WFDC1: variants seen among roughly 807,000 people sequenced by gnomAD.
WFDC1 encodes WAP four-disulfide core domain protein 1.
Under a neutral mutation model 32.9 loss-of-function variants are expected in WFDC1, and 39 were observed. That is an observed-to-expected ratio of 1.19 (90% CI 0.92 to 1.55). The LOEUF (loss-of-function observed/expected upper bound fraction) is 1.55, where lower values mean the gene tolerates loss of function less well. WFDC1 is among the 40% of genes most tolerant of loss of function. The probability of loss-of-function intolerance (pLI) is 0.00; values close to 1 mark genes in which losing one functional copy is unlikely to be tolerated. For missense variants in WFDC1, 386 were observed against 309.5 expected, an observed-to-expected ratio of 1.25 and a Z score of -1.85; for synonymous variants, 184 against 137.4, an observed-to-expected ratio of 1.34 and a Z score of -2.37.
chr16:84,301,004 T>C (rs969472205), intron 1 of WFDC1, among the ~76,000 whole-genome samples: 26 of 149,944 alleles, frequency 1.7e-4, no homozygotes, highest in African/African-American at 5.9e-4. Flanking sequence ...AGAAGAGACA[T>C]AGAATCAGAG....
At chr16:84,299,508 C>G (rs1055938329) in intron 1 of WFDC1, among the ~76,000 whole-genome samples, 4 of 152,122 alleles carry the variant, frequency 2.6e-5, no homozygotes, top group Non-Finnish European at 4.4e-5. Flanking sequence ...GTTCTGTGGA[C>G]TTGGTGTTTT....
intron 4 of WFDC1, among the ~76,000 whole-genome samples, chr16:84,320,954 A>T (rs1446110046): frequency 6.6e-6 from 1 of 152,196 alleles, no homozygotes; most frequent in Non-Finnish European, 1.5e-5. Context: ...TAATGTCATT[A>T]TCATTGCAGA....
At chr16:84,312,884 A>AC in intron 1 of WFDC1, 77 bp from the exon 2 acceptor site, 1 of 937,256 alleles carries the variant, frequency 1.1e-6, no homozygotes. Context: ...CGCACTGCCC[A>AC]CCCCCTTGCA....
chr16:84,329,120 C>T (rs950057912), intron 6 of WFDC1: 3 of 152,016 alleles, frequency 2.0e-5, no homozygotes, highest in African/African-American at 4.8e-5. Context: ...AAGATGATGC[C>T]GTGAAGACGT....
At chr16:84,298,431 A>G (rs1906738174) in intron 1 of WFDC1, among the ~76,000 whole-genome samples, 1 of 152,092 alleles carries the variant, frequency 6.6e-6, no homozygotes, top group African/African-American at 2.4e-5. Flanking sequence ...TCACTTTCCA[A>G]TTGTATTGCT....
chr16:84,318,920 G>A (rs1908127654), intron 3 of WFDC1: 1 of 172,936 alleles, frequency 5.8e-6, no homozygotes, highest in Non-Finnish European at 1.2e-5. Context: ...TTGTGTGTGT[G>A]TGTGTGTGTG....
At chr16:84,328,004 CCCTGGGCAGGAGCAGAG>C (rs1245475010) in intron 6 of WFDC1, 2 of 153,126 alleles carry the variant, frequency 1.3e-5, no homozygotes, top group Non-Finnish European at 2.9e-5. Flanking sequence ...GGGGCAGAGT[CCCTGGGCAGGAGCAGAG>C]CCTGGGGCAG....
At chr16:84,299,233 G>T (rs559100020) in intron 1 of WFDC1, among the ~76,000 whole-genome samples, 1 of 151,922 alleles carries the variant, frequency 6.6e-6, no homozygotes, top group Admixed American at 6.6e-5. Context: ...GCATGGTGGC[G>T]CATGCCTGTA....
intron 2 of WFDC1, among the ~76,000 whole-genome samples, chr16:84,314,649 C>T (rs1036277782): frequency 2.6e-5 from 4 of 152,340 alleles, no homozygotes; most frequent in African/African-American, 9.6e-5. Context: ...CTCATCAAGA[C>T]AGACAGGGAC....
At chr16:84,328,334 GCAGCCCTAAACCTGAAAATCTACC>G (rs1908723238) in intron 6 of WFDC1, 1 of 152,240 alleles carries the variant, frequency 6.6e-6, no homozygotes, top group Non-Finnish European at 1.5e-5. Context: ...CTGTGGAGTT[GCAGCCCTAAACCTGAAAATCTACC>G]CAGCCCCTGT....
chr16:84,296,623 C>T (rs1906613684), intron 1 of WFDC1, among the ~76,000 whole-genome samples: 1 of 152,138 alleles, frequency 6.6e-6, no homozygotes, highest in Non-Finnish European at 1.5e-5. Context: ...GGCTCATATT[C>T]TCCATGTTCG....
At chr16:84,315,745 C>G (rs1907910468) in intron 2 of WFDC1, among the ~76,000 whole-genome samples, 2 of 152,222 alleles carry the variant, frequency 1.3e-5, no homozygotes, top group Non-Finnish European at 2.9e-5. Context: ...TAAATGCTCT[C>G]TGGGGAACAA....
chr16:84,309,092 C>G (rs755831438), intron 1 of WFDC1, among the ~76,000 whole-genome samples: 36 of 152,208 alleles, frequency 2.4e-4, no homozygotes, highest in Non-Finnish European at 5.0e-4. Context: ...GTGGAGCCCG[C>G]TCTGGTTGCC....
intron 1 of WFDC1, among the ~76,000 whole-genome samples, chr16:84,305,784 C>A (rs2151370315): frequency 6.6e-6 from 1 of 151,802 alleles, no homozygotes; most frequent in East Asian, 1.9e-4. Flanking sequence ...GGCAGATCAC[C>A]TGAGCTCAGG....
intron 1 of WFDC1, among the ~76,000 whole-genome samples, chr16:84,297,642 A>AAATAG (rs1555543158): frequency 1.4e-4 from 17 of 119,866 alleles, no homozygotes; most frequent in South Asian, 9.4e-4. Context: ...AAAAAAAAAA[A>AAATAG]AAAAACTGTG....
At chr16:84,303,512 T>G (rs1907069622) in intron 1 of WFDC1, among the ~76,000 whole-genome samples, 1 of 152,118 alleles carries the variant, frequency 6.6e-6, no homozygotes, top group Non-Finnish European at 1.5e-5. Context: ...CACAGAAAGT[T>G]ATAAATTAGT....
chr16:84,327,913 A>G (rs1010182003), intron 6 of WFDC1: 2 of 152,318 alleles, frequency 1.3e-5, no homozygotes, highest in Non-Finnish European at 2.9e-5. Context: ...GGGAGGCCAC[A>G]TCCTGGTAGG....
chr16:84,320,272 G>A (rs1261341589), intron 4 of WFDC1, among the ~76,000 whole-genome samples: 1 of 152,198 alleles, frequency 6.6e-6, no homozygotes, highest in Non-Finnish European at 1.5e-5. Context: ...TGTTCAGTAG[G>A]TTAACTGTGT....
rs1207807580 is a variant in WFDC1 at position 84,324,516 on chromosome 16, G to A, written c.604+56G>A. On this transcript the variant is annotated intron_variant, in intron 5 of 6. Transcript: ENST00000219454. ...AGGGCACAAAAAAAAGGCAGTGAAA[G>A]TTTCTTATGTGAAGAAAAAAATAAA... The A allele has an allele frequency of 2.2e-5, 35 of 1,569,654 alleles. No homozygotes were observed. In the South Asian group the frequency reaches 2.6e-4, roughly 12 times the overall value.
Sources: gnomAD v4.1 joint callset for allele counts (sites outside exome capture counted in the v4.1 genomes callset) on GRCh38, gnomAD v4.1.1 for gene constraint, MANE v1.5 for transcripts, NCBI Gene and HGNC (gene_info 2026-07-23, HGNC 2026-07-21) for gene names.